The following GRID1 variants were observed in gnomAD, a reference collection of about 807,000 sequenced individuals.
The protein encoded by GRID1 is glutamate ionotropic receptor delta type subunit 1.
In GRID1, 28 loss-of-function variants were observed where a neutral mutation model predicts 98.0. That is an observed-to-expected ratio of 0.29 (90% confidence interval 0.21 to 0.39). The LOEUF (loss-of-function observed/expected upper bound fraction) is 0.39. Among genes scored for constraint, GRID1 ranks in the 10% least tolerant of loss-of-function variants. GRID1 has a pLI of 1.00. For missense variants in GRID1, 1,111 were observed against 1,340.5 expected (o/e 0.83, Z 2.67); for synonymous variants, 553 against 538.5 (o/e 1.03, Z -0.37).
intron 2 of GRID1, among the ~76,000 whole-genome samples, chr10:86,292,846 A>G (rs996525976): frequency 6.6e-5 from 10 of 151,828 alleles, no homozygotes; most frequent in Admixed American, 5.2e-4. Flanking sequence ...CTGTATATGT[A>G]TGAGTGTGTG....
intron 4 of GRID1, among the ~76,000 whole-genome samples, chr10:86,028,968 T>C (rs998218220): frequency 2.6e-5 from 4 of 152,154 alleles, no homozygotes; most frequent in South Asian, 2.1e-4. Context: ...ACCCTTCTGA[T>C]GCCAGTCCCC....
chr10:85,727,803 C>T, intron 10 of GRID1, 52 bp downstream of exon 10: 3 of 1,373,168 alleles, frequency 2.2e-6, no homozygotes, highest in East Asian at 4.6e-5. Context: ...TAGATATTAC[C>T]CCAGAGGAAG....
intron 12 of GRID1, among the ~76,000 whole-genome samples, chr10:85,650,489 T>A (rs1471806693): frequency 1.3e-5 from 2 of 152,072 alleles, no homozygotes; most frequent in East Asian, 3.9e-4. Flanking sequence ...CACCAACAGT[T>A]CCTGAATGTC....
At chr10:85,625,056 A>T (rs549476352) in intron 13 of GRID1, among the ~76,000 whole-genome samples, 2 of 152,364 alleles carry the variant, frequency 1.3e-5, no homozygotes, top group East Asian at 3.9e-4. Flanking sequence ...TAATAGGATG[A>T]ACAGATTATT....
chr10:86,157,687 C>A (rs1430495337), intron 3 of GRID1, among the ~76,000 whole-genome samples: 1 of 152,138 alleles, frequency 6.6e-6, no homozygotes, highest in East Asian at 1.9e-4. Flanking sequence ...CCTCTGTGGG[C>A]CCCATGGAAG....
intron 12 of GRID1, among the ~76,000 whole-genome samples, chr10:85,657,174 G>A (rs77534537): frequency 0.033 from 4,969 of 152,224 alleles, 129 homozygotes; most frequent in Middle Eastern, 0.048. Flanking sequence ...TCTCCAGGAC[G>A]CCTTTGCTGA....
chr10:85,666,796 T>C (rs1490384064), intron 12 of GRID1, among the ~76,000 whole-genome samples: 2 of 152,262 alleles, frequency 1.3e-5, no homozygotes, highest in Non-Finnish European at 2.9e-5. Flanking sequence ...GACCTTGTTC[T>C]GCCTACCCAA....
chr10:85,828,616 C>G (rs980228012), intron 8 of GRID1, among the ~76,000 whole-genome samples: 10 of 151,890 alleles, frequency 6.6e-5, no homozygotes, highest in Admixed American at 3.3e-4. Flanking sequence ...GAGAACATTA[C>G]TACTGAACTG....
At chr10:86,161,382 A>G (rs928521476) in intron 3 of GRID1, among the ~76,000 whole-genome samples, 2 of 152,126 alleles carry the variant, frequency 1.3e-5, no homozygotes, top group African/African-American at 4.8e-5. Flanking sequence ...GAGTCAGGAC[A>G]GGCAGCTGCG....
At chr10:85,757,559 T>C (rs1917137) in intron 8 of GRID1, among the ~76,000 whole-genome samples, 101,755 of 151,602 alleles carry the variant, frequency 0.67, 34,492 homozygotes, top group East Asian at 0.87. Flanking sequence ...GACATTGTTG[T>C]TAAGGGAAAG....
intron 5 of GRID1, among the ~76,000 whole-genome samples, chr10:85,892,389 A>T (rs1267307253): frequency 6.6e-6 from 1 of 151,852 alleles, no homozygotes; most frequent in Non-Finnish European, 1.5e-5. Flanking sequence ...TGAAGAACAC[A>T]CATAATTAAG....
At position 86,121,756 on chromosome 10, in the gene GRID1, T is replaced by C. The variant is rs1056859982; in HGVS notation, c.726+17063A>G. Reference sequence around the variant, plus strand: ...CTTGTTAAACTCTCATCACATCTTATGATGTAGTCCTGCCACTATCCCTAC... The same window carrying C: ...CTTGTTAAACTCTCATCACATCTTACGATGTAGTCCTGCCACTATCCCTAC... On this transcript the variant is annotated intron_variant, in intron 4 of 15. Coordinates refer to ENST00000327946, the MANE Select transcript of GRID1 (RefSeq NM_017551.3). 3.9e-5 allele frequency among the ~76,000 whole-genome samples: 6 copies of C among 152,332 alleles called. No homozygotes were observed. In the South Asian group the frequency reaches 8.3e-4, roughly 21 times the overall value.
intron 2 of GRID1, among the ~76,000 whole-genome samples, chr10:86,339,896 G>A (rs17323032): frequency 0.28 from 43,007 of 152,136 alleles, 7,121 homozygotes; most frequent in South Asian, 0.47. Flanking sequence ...GCAACAACAA[G>A]GTTAACCCAT....
rs151042072 is a variant in GRID1 at position 85,602,817 on chromosome 10, G to A, written c.2602-116C>T. ...CTGGTCAGCCTGTTGGGCTGTGGGC[G>A]AGTATCCCTTTCATGTGGCTCCCAC... On this transcript the variant is annotated intron_variant, in intron 15 of 15. Transcript: ENST00000327946. The A allele has an allele frequency of 1.7e-3, 1,210 of 702,502 alleles. 3 individuals carry two copies. The highest frequency in any genetic ancestry group is 2.9e-3 in the East Asian group (106 of 36,788). 43.5% of individuals were successfully genotyped at this position (702,502 alleles called of 1,614,324 possible).
chr10:85,720,173 T>C (rs1034047666), intron 12 of GRID1, among the ~76,000 whole-genome samples: 1 of 152,240 alleles, frequency 6.6e-6, no homozygotes, highest in African/African-American at 2.4e-5. Context: ...AGTCCACTAT[T>C]AGAGTCACTG....
intron 8 of GRID1, among the ~76,000 whole-genome samples, chr10:85,804,461 CACAAACAACTTCAG>C (rs1842604393): frequency 1.3e-5 from 2 of 151,914 alleles, no homozygotes; most frequent in Admixed American, 6.6e-5. Context: ...ACCAATTTCA[CACAAACAACTTCAG>C]ACAGAACAGG....
intron 2 of GRID1, among the ~76,000 whole-genome samples, chr10:86,298,474 C>A (rs1003144710): frequency 4.6e-5 from 7 of 151,564 alleles, no homozygotes; most frequent in Non-Finnish European, 8.8e-5. Context: ...ACCTGACGTT[C>A]ACTCCCTGCA....
At chr10:85,865,092 G>A (rs775048397) in intron 6 of GRID1, among the ~76,000 whole-genome samples, 5 of 152,168 alleles carry the variant, frequency 3.3e-5, no homozygotes, top group Non-Finnish European at 5.9e-5. Flanking sequence ...AAGTCTCAGG[G>A]TTCTGAGGGA....
chr10:85,634,998 GAAAAAAAAAAAAAAAAAAAAAAAAA>G (rs140144576), intron 13 of GRID1, among the ~76,000 whole-genome samples: 2,294 of 35,082 alleles, frequency 0.065, 97 homozygotes, highest in East Asian at 0.31. Flanking sequence ...GAGGAAATCT[GAAAAAAAAAAAAAAAAAAAAAAAAA>G]AAAAAAAAAA....
Sources: allele counts gnomAD v4.1 joint callset (sites outside exome capture counted in the v4.1 genomes callset), GRCh38; gene constraint gnomAD v4.1.1; transcripts MANE v1.5; gene names NCBI Gene and HGNC (gene_info 2026-07-23, HGNC 2026-07-21).